The following KIAA2012 variants were observed in gnomAD, a reference collection of about 807,000 sequenced individuals.
The protein encoded by KIAA2012 is uncharacterized protein KIAA2012.
KIAA2012 carries 125 observed loss-of-function variants against 150.6 expected under a neutral mutation model. That is an observed-to-expected ratio of 0.83 (90% confidence interval 0.72 to 0.96). The LOEUF is 0.96. KIAA2012 is among the 40% of genes least tolerant of loss of function. KIAA2012 has a pLI of 0.00. For missense variants in KIAA2012, 1,219 were observed against 1,354.9 expected, an observed-to-expected ratio of 0.90 and a Z score of 1.57; for synonymous variants, 462 against 504.7, an observed-to-expected ratio of 0.92 and a Z score of 1.13.
In KIAA2012 at chr2:202,169,441, C is replaced by G. The variant is rs529542003; in HGVS notation, c.2119+4085C>G. 2.6e-5 allele frequency among the ~76,000 whole-genome samples: 4 copies of G among 152,260 alleles called. No individual in the cohort carries two copies. In the South Asian group the frequency reaches 8.3e-4, roughly 32 times the overall value. On this transcript the variant is annotated intron_variant, in intron 15 of 23. Transcript: ENST00000498697. ...TACAGCCACCAGCCAGAACCTGCAC[C>G]TTCACCATAGACCCAGAAGCAGCCA...
chr2:202,119,996 T>G (rs1363272353), intron 11 of KIAA2012, among the ~76,000 whole-genome samples: 1 of 152,184 alleles, frequency 6.6e-6, no homozygotes, highest in Non-Finnish European at 1.5e-5. Flanking sequence ...AAGGGGAGTT[T>G]CCCTGCACAA....
Position 202,103,118 on chromosome 2 carries a change from G to A in KIAA2012, c.1324+4G>A, listed in dbSNP as rs1375634015. ...AAAGAGAAAGCCCACAGAAGAGGTA[G>A]GTCCCGGGTGCATGGGCACTCCTGA... is the stretch of plus-strand genomic sequence containing the variant. On this transcript the variant is annotated splice_donor_region_variant and intron_variant, in intron 8 of 23. Coordinates refer to ENST00000498697, the MANE Select transcript of KIAA2012 (RefSeq NM_001277372.4). 6.5e-7 allele frequency: 1 copy of A among 1,550,162 alleles called. No homozygotes were observed. The highest frequency in any genetic ancestry group is 2.0e-5 in the Admixed American group (1 of 50,980).
Position 202,073,564 on chromosome 2 carries a change from G to T in KIAA2012, c.-64G>T. The T allele has an allele frequency of 1.4e-6, 2 of 1,405,486 alleles. No individual in the cohort carries two copies. Among genetic ancestry groups the T allele is most frequent in the South Asian group, 2.5e-5 (2 of 79,576 alleles). The allele number at this position is 1,405,486 out of a possible 1,614,324, so 87.1% of individuals were successfully genotyped here. ...GTGAGCTCTGGAAATCTTGAGGTGT[G>T]ACCAGATTTCAGCCTTCAAAACCAA... On this transcript the variant is annotated 5_prime_UTR_variant, in exon 1 of 24. Transcript: ENST00000498697.
chr2:202,141,737 C>T (rs1234550129), intron 13 of KIAA2012, among the ~76,000 whole-genome samples: 1 of 152,152 alleles, frequency 6.6e-6, no homozygotes, highest in Non-Finnish European at 1.5e-5. Flanking sequence ...TCCCGGGATA[C>T]TTTCAGAGAC....
At chr2:202,148,541 G>A (rs939757804) in intron 13 of KIAA2012, among the ~76,000 whole-genome samples, 3 of 152,076 alleles carry the variant, frequency 2.0e-5, no homozygotes, top group African/African-American at 4.8e-5. Flanking sequence ...GTAAAAAGTG[G>A]GCCCAGACCT....
chr2:202,160,600 A>T (rs1313714979), intron 14 of KIAA2012, among the ~76,000 whole-genome samples: 1 of 152,210 alleles, frequency 6.6e-6, no homozygotes, highest in Non-Finnish European at 1.5e-5. Context: ...GGCGTGAGCC[A>T]CCACGCCCGG....
chr2:202,175,400 G>T (rs1422701142), intron 15 of KIAA2012, among the ~76,000 whole-genome samples: 1 of 152,192 alleles, frequency 6.6e-6, no homozygotes, highest in East Asian at 1.9e-4. Flanking sequence ...AGAAATAGTT[G>T]TCATGGTCTG....
intron 13 of KIAA2012, among the ~76,000 whole-genome samples, chr2:202,153,495 G>A (rs1488083876): frequency 6.6e-6 from 1 of 152,230 alleles, no homozygotes; most frequent in Admixed American, 6.5e-5. Flanking sequence ...AACACTTCAT[G>A]CAGATAGACC....
intron 11 of KIAA2012, among the ~76,000 whole-genome samples, chr2:202,123,545 C>T (rs1388093080): frequency 6.6e-6 from 1 of 152,094 alleles, no homozygotes; most frequent in Non-Finnish European, 1.5e-5. Flanking sequence ...CGCACGTGAC[C>T]GTGTGTGTGC....
chr2:202,192,538 AC>A (rs1269956195), intron 19 of KIAA2012, among the ~76,000 whole-genome samples: 1 of 149,750 alleles, frequency 6.7e-6, no homozygotes, highest in Admixed American at 6.7e-5. Context: ...GCTCACCGCA[AC>A]CTCTGCCTCC....
chr2:202,187,104 T>C lies in KIAA2012; in HGVS notation c.2376+6T>C. On this transcript the variant is annotated splice_donor_region_variant and intron_variant, in intron 17 of 23. Coordinates refer to ENST00000498697, the MANE Select transcript of KIAA2012 (RefSeq NM_001277372.4). ...CATCAGCCAACATCAGTCATGTGAG[T>C]GTAAACCCCTAAAAGCTTGGTCCAA... The C allele has an allele frequency of 6.5e-7, 1 of 1,550,018 alleles. No homozygotes were observed. The highest frequency in any genetic ancestry group is 1.2e-5 in the South Asian group (1 of 84,000).
chr2:202,174,080 C>T (rs1691947655), intron 15 of KIAA2012, among the ~76,000 whole-genome samples: 1 of 152,204 alleles, frequency 6.6e-6, no homozygotes, highest in African/African-American at 2.4e-5. Context: ...ATTCTTCTGC[C>T]TCAGCCTCCC....
At chr2:202,158,639 A>C (rs1281109069) in intron 14 of KIAA2012, among the ~76,000 whole-genome samples, 1 of 152,042 alleles carries the variant, frequency 6.6e-6, no homozygotes, top group East Asian at 1.9e-4. Flanking sequence ...TGGGATTACT[A>C]GCGTGAGCCA....
intron 10 of KIAA2012, among the ~76,000 whole-genome samples, chr2:202,110,524 G>A (rs112890061): frequency 3.3e-5 from 5 of 152,198 alleles, no homozygotes; most frequent in Admixed American, 2.0e-4. Context: ...TTTCTGCTTC[G>A]TTGAAGGCTT....
intron 8 of KIAA2012, among the ~76,000 whole-genome samples, chr2:202,103,397 T>C (rs1159430542): frequency 6.6e-6 from 1 of 151,986 alleles, no homozygotes; most frequent in Admixed American, 6.5e-5. Context: ...CAATGCACCA[T>C]AGGTGTTATA....
intron 2 of KIAA2012, among the ~76,000 whole-genome samples, chr2:202,083,450 T>G (rs1689495967): frequency 7.1e-6 from 1 of 141,214 alleles, no homozygotes; most frequent in Non-Finnish European, 1.5e-5. Context: ...CATGCACAGG[T>G]GCAACGACAA....
At position 202,099,845 on chromosome 2, in the gene KIAA2012, C is replaced by G. The variant is rs535926251; in HGVS notation, c.1012+49C>G. On this transcript the variant is annotated intron_variant, in intron 6 of 23. Transcript: ENST00000498697. ...ATTGATCTGGGTAAAGCCAGTCATG[C>G]AGAGTTCATTTAAGGACACTGAGGC... The G allele has an allele frequency of 8.1e-4, 1,193 of 1,465,038 alleles. 1 individual carries two copies. The highest frequency in any genetic ancestry group is 8.4e-4 in the Non-Finnish European group (915 of 1,089,362). 90.8% of individuals were successfully genotyped at this position (1,465,038 alleles called of 1,614,324 possible).
At chr2:202,111,548 C>T (rs979044712) in intron 10 of KIAA2012, among the ~76,000 whole-genome samples, 1 of 147,254 alleles carries the variant, frequency 6.8e-6, no homozygotes, top group African/African-American at 2.5e-5. Context: ...GATAGAATGC[C>T]AGGACCAGGA....
intron 7 of KIAA2012, among the ~76,000 whole-genome samples, chr2:202,102,687 A>G (rs1477019665): frequency 6.6e-6 from 1 of 152,220 alleles, no homozygotes; most frequent in African/African-American, 2.4e-5. Context: ...GAAAGACTTT[A>G]TATCCTCTCA....
Sources: gnomAD v4.1 joint callset for allele counts (sites outside exome capture counted in the v4.1 genomes callset) on GRCh38, gnomAD v4.1.1 for gene constraint, MANE v1.5 for transcripts, NCBI Gene and HGNC (gene_info 2026-07-23, HGNC 2026-07-21) for gene names.